Variants in METAP1 observed in about 807,000 individuals in gnomAD.
The protein encoded by METAP1 is methionyl aminopeptidase 1, also known as methionine aminopeptidase 1.
Under a neutral mutation model 53.8 loss-of-function variants are expected in METAP1, and 28 were observed. The ratio of observed to expected loss-of-function variants is 0.52; its 90% confidence interval spans 0.39 to 0.71. METAP1 has a LOEUF of 0.71. Among genes scored for constraint, METAP1 ranks in the 30% least tolerant of loss-of-function variants. The pLI, the probability that METAP1 is intolerant of heterozygous loss-of-function variation, is 0.00. For missense variants in METAP1, 389 were observed against 479.8 expected (o/e 0.81, Z 1.77); for synonymous variants, 181 against 165.7 (o/e 1.09, Z -0.71).
chr4:99,007,562 CT>C (rs879645089), intron 1 of METAP1, among the ~76,000 whole-genome samples: 58 of 143,268 alleles, frequency 4.0e-4, no homozygotes, highest in Non-Finnish European at 4.5e-4. Flanking sequence ...AATAGCTGAT[CT>C]TTTTTTTTTT....
intron 7 of METAP1, among the ~76,000 whole-genome samples, chr4:99,043,740 C>T (rs1459284029): frequency 6.6e-6 from 1 of 152,040 alleles, no homozygotes; most frequent in East Asian, 1.9e-4. Flanking sequence ...GTTATAGATA[C>T]AGGAAAACCC....
chr4:98,997,954 A>G (rs1579225350), intron 1 of METAP1, among the ~76,000 whole-genome samples: 1 of 152,200 alleles, frequency 6.6e-6, no homozygotes, highest in East Asian at 1.9e-4. Context: ...CTTGCAAACA[A>G]ACGCCCACAA....
rs777552346 is a variant in METAP1 at position 99,028,910 on chromosome 4, A to G, written c.158A>G (p.Lys53Arg). 1.3e-6 allele frequency: 2 copies of G among 1,544,466 alleles called. No homozygotes were observed. Among genetic ancestry groups the G allele is most frequent in the Non-Finnish European group, 1.8e-6 (2 of 1,142,586 alleles). The stretch of plus-strand genomic sequence containing the variant: ...TGGGCTACTCACAAGTTACTACATA[A>G]GAAAGCAAGTAAGTACAATCACAAA... Reference protein sequence around the residue: ...GSWATHKLLHKKAKDEKAKRE... With the variant: ...GSWATHKLLHRKAKDEKAKRE... The change falls in exon 2 of 11, where the codon AAG becomes AGG. Residue 53 changes from lysine (K) to arginine (R), a missense_variant. Coordinates refer to ENST00000296411, the MANE Select transcript of METAP1 (RefSeq NM_015143.3).
intron 5 of METAP1, among the ~76,000 whole-genome samples, 184 bp downstream of exon 5, chr4:99,039,649 A>C (rs1034990146): frequency 4.0e-5 from 6 of 150,570 alleles, no homozygotes; most frequent in African/African-American, 1.2e-4. Context: ...GCTGGAGTGC[A>C]GTGGCGTGAT....
intron 6 of METAP1, among the ~76,000 whole-genome samples, chr4:99,042,558 A>G (rs1209264184): frequency 6.6e-6 from 1 of 152,100 alleles, no homozygotes; most frequent in Non-Finnish European, 1.5e-5. Flanking sequence ...GGTTATTAAA[A>G]TATCTGGAAG....
At chr4:99,031,808 G>A in intron 2 of METAP1, 1 of 379,796 alleles carries the variant, frequency 2.6e-6, no homozygotes, top group South Asian at 2.0e-5. Context: ...ACTTTTTAAA[G>A]AATAAAGCCT....
intron 1 of METAP1, among the ~76,000 whole-genome samples, chr4:99,012,269 GTTT>G (rs34482996): frequency 6.6e-5 from 7 of 106,698 alleles, no homozygotes; most frequent in Admixed American, 1.9e-4. Flanking sequence ...GTTAATGTGA[GTTT>G]TTTTTTTTTT....
intron 9 of METAP1, among the ~76,000 whole-genome samples, chr4:99,054,381 C>A (rs1560737680): frequency 1.3e-5 from 2 of 152,188 alleles, no homozygotes; most frequent in African/African-American, 4.8e-5. Flanking sequence ...AGCTTTGTCA[C>A]CTCTCTCAGC....
At chr4:99,021,718 G>T (rs901853767) in intron 1 of METAP1, among the ~76,000 whole-genome samples, 1 of 152,144 alleles carries the variant, frequency 6.6e-6, no homozygotes, top group Non-Finnish European at 1.5e-5. Flanking sequence ...GCTGGGATGG[G>T]ACCTCACACT....
intron 1 of METAP1, among the ~76,000 whole-genome samples, chr4:99,013,969 T>C (rs1723614630): frequency 6.6e-6 from 1 of 152,218 alleles, no homozygotes; most frequent in African/African-American, 2.4e-5. Context: ...CTAGCAAGTC[T>C]CTGCTTTGTT....
chr4:99,040,683 C>G (rs1269477751), intron 5 of METAP1, among the ~76,000 whole-genome samples: 1 of 141,876 alleles, frequency 7.0e-6, no homozygotes, highest in Non-Finnish European at 1.5e-5. Flanking sequence ...TTTTAAGAGA[C>G]AGGATCTCAC....
intron 9 of METAP1, among the ~76,000 whole-genome samples, chr4:99,056,562 T>C (rs562018860): frequency 2.0e-5 from 3 of 152,198 alleles, no homozygotes; most frequent in Non-Finnish European, 4.4e-5. Context: ...TTTGTTTTTT[T>C]TGTTTGCTTG....
At chr4:99,011,512 A>G (rs897078780) in intron 1 of METAP1, among the ~76,000 whole-genome samples, 4 of 152,158 alleles carry the variant, frequency 2.6e-5, no homozygotes, top group Admixed American at 6.5e-5. Flanking sequence ...CCACTTGGTC[A>G]TGGTGTATAG....
intron 1 of METAP1, among the ~76,000 whole-genome samples, chr4:99,000,706 CT>C (rs1162206376): frequency 2.0e-3 from 198 of 97,774 alleles, no homozygotes; most frequent in Admixed American, 2.4e-3. Flanking sequence ...CTCTCTCTCT[CT>C]TTTTTTTTTT....
Position 99,045,182 on chromosome 4 carries a change from A to G in METAP1, c.659A>G (p.Asp220Gly), listed in dbSNP as rs1445864798. Residue 220 changes from aspartate to glycine, a missense_variant, in exon 8 of 11, where the codon GAT (aspartate) becomes GGT (glycine). By Grantham distance (94) the Asp-to-Gly change is moderately conservative. Transcript: ENST00000296411. ...ATATTTGCACATTCTCTTGCAGTGG[A>G]TATCACTCTTTATCGCAATGGTTAT... ...PLQEGDIVNVDITLYRNGYHG... is the reference protein window; with the variant it reads ...PLQEGDIVNVGITLYRNGYHG... The G allele has an allele frequency of 6.2e-7, 1 of 1,613,174 alleles. No homozygotes were observed. The highest frequency in any genetic ancestry group is 1.7e-5 in the Admixed American group (1 of 59,944).
intron 1 of METAP1, among the ~76,000 whole-genome samples, chr4:99,011,293 C>T (rs1440017459): frequency 6.6e-6 from 1 of 151,970 alleles, no homozygotes; most frequent in Non-Finnish European, 1.5e-5. Context: ...TAGTTATGGG[C>T]GTCTTATATA....
At chr4:99,036,450 A>C (rs2110351597) in intron 4 of METAP1, among the ~76,000 whole-genome samples, 1 of 152,238 alleles carries the variant, frequency 6.6e-6, no homozygotes, top group East Asian at 1.9e-4. Context: ...GTAAATTCTA[A>C]CAAATGTTAT....
intron 9 of METAP1, 142 bp from the exon 10 acceptor site, chr4:99,057,611 T>C (rs1049076586): frequency 1.5e-6 from 1 of 647,556 alleles, no homozygotes; most frequent in Admixed American, 2.9e-5. Context: ...AATACCTGTT[T>C]GTTGAACTTT....
intron 5 of METAP1, among the ~76,000 whole-genome samples, chr4:99,040,840 T>C (rs1278349053): frequency 6.6e-6 from 1 of 151,548 alleles, no homozygotes; most frequent in Non-Finnish European, 1.5e-5. Flanking sequence ...ACCTTACTGC[T>C]GCTTGCTTGT....
Sources: allele counts gnomAD v4.1 joint callset (sites outside exome capture counted in the v4.1 genomes callset), GRCh38; gene constraint gnomAD v4.1.1; transcripts MANE v1.5; gene names NCBI Gene and HGNC (gene_info 2026-07-23, HGNC 2026-07-21).